The following PDE1C variants were observed in gnomAD, a reference collection of about 807,000 sequenced individuals.
PDE1C encodes dual specificity calcium/calmodulin-dependent 3',5'-cyclic nucleotide phosphodiesterase 1C.
In PDE1C, 62 loss-of-function variants were observed where a neutral mutation model predicts 93.1. The observed-to-expected ratio is 0.67, with a 90% CI of 0.54 to 0.82. PDE1C has a LOEUF of 0.82. PDE1C is among the 40% of genes least tolerant of loss of function. The pLI is 0.00. For synonymous variants in PDE1C, 325 were observed against 310.1 expected (o/e 1.05, Z -0.50); for missense variants, 742 against 884.6 (o/e 0.84, Z 2.04).
intron 1 of PDE1C, among the ~76,000 whole-genome samples, chr7:32,314,075 A>C (rs888510150): frequency 6.6e-6 from 1 of 151,856 alleles, no homozygotes; most frequent in African/African-American, 2.4e-5. Flanking sequence ...TAAATAAATA[A>C]AATAAATAAA....
At chr7:31,738,122 A>T in the PDE1C span, among the ~76,000 whole-genome samples, 2 of 152,082 alleles carry the variant, frequency 1.3e-5, no homozygotes, top group Non-Finnish European at 2.9e-5. Flanking sequence ...CCCTCCAGCC[A>T]CGCAGCCTAG....
chr7:32,124,790 A>G (rs529696446), intron 3 of PDE1C, among the ~76,000 whole-genome samples: 36 of 152,342 alleles, frequency 2.4e-4, no homozygotes, highest in Non-Finnish European at 4.6e-4. Context: ...AAACCTCAAT[A>G]CCATTCAGGA....
intron 3 of PDE1C, among the ~76,000 whole-genome samples, chr7:32,164,330 A>C (rs1386037725): frequency 6.6e-6 from 1 of 152,246 alleles, no homozygotes; most frequent in Admixed American, 6.5e-5. Context: ...GAATAGGGCC[A>C]GTCTTATAGG....
At chr7:32,112,746 C>T (rs966630283) in intron 3 of PDE1C, among the ~76,000 whole-genome samples, 2 of 150,694 alleles carry the variant, frequency 1.3e-5, no homozygotes, top group African/African-American at 4.9e-5. Context: ...AGGCAAGAGA[C>T]ACTATGCTCA....
At chr7:32,205,146 C>A (rs985763051) in intron 2 of PDE1C, among the ~76,000 whole-genome samples, 6 of 152,164 alleles carry the variant, frequency 3.9e-5, no homozygotes, top group Non-Finnish European at 8.8e-5. Flanking sequence ...CCTCTGCTGC[C>A]CCAGCTTCAT....
intron 3 of PDE1C, among the ~76,000 whole-genome samples, chr7:32,129,045 A>T (rs947014487): frequency 1.3e-5 from 2 of 149,952 alleles, no homozygotes; most frequent in Non-Finnish European, 3.0e-5. Context: ...TTGTGCAGTC[A>T]TTATAAGTGA....
chr7:32,031,082 C>G lies in PDE1C; in HGVS notation c.128+20472G>C, dbSNP rs181919463. ...TGAAGATTCAGTGAGCTTCCCTTCT[C>G]CACTATGGAATGTGTTTTGTCCTTC... On this transcript the variant is annotated intron_variant, in intron 2 of 17. Transcript: ENST00000396191. Among the ~76,000 whole-genome samples, 7 of 152,264 alleles carry G rather than the reference C, an allele frequency of 4.6e-5. No individual in the cohort carries two copies. In the East Asian group the frequency reaches 1.4e-3, roughly 29 times the overall value.
intron 16 of PDE1C, chr7:31,808,195 T>C (rs893029296): frequency 2.0e-6 from 1 of 492,384 alleles, no homozygotes; most frequent in Non-Finnish European, 4.0e-6. Flanking sequence ...TCTAACCAAA[T>C]GATTCAAAGA....
chr7:31,981,877 T>G (rs980293349), intron 2 of PDE1C, among the ~76,000 whole-genome samples: 1 of 152,230 alleles, frequency 6.6e-6, no homozygotes, highest in Non-Finnish European at 1.5e-5. Context: ...GTTTCATATC[T>G]TACAGACGAA....
chr7:32,370,881 A>G (rs1784320765), intron 1 of PDE1C, among the ~76,000 whole-genome samples: 1 of 152,164 alleles, frequency 6.6e-6, no homozygotes, highest in Non-Finnish European at 1.5e-5. Context: ...AATACTATTC[A>G]GCCACAAAAA....
chr7:32,264,302 C>T (rs1810418834), intron 1 of PDE1C, among the ~76,000 whole-genome samples: 1 of 152,188 alleles, frequency 6.6e-6, no homozygotes, highest in Non-Finnish European at 1.5e-5. Flanking sequence ...TATCAAGCAC[C>T]TACTATTAAT....
the PDE1C span, among the ~76,000 whole-genome samples, chr7:31,659,623 A>G: frequency 6.6e-6 from 1 of 152,220 alleles, no homozygotes; most frequent in Non-Finnish European, 1.5e-5. Flanking sequence ...ATCTGAATAA[A>G]TGTAGAGCCA....
chr7:31,702,871 G>C, the PDE1C span, among the ~76,000 whole-genome samples: 1 of 152,116 alleles, frequency 6.6e-6, no homozygotes, highest in Non-Finnish European at 1.5e-5. Context: ...GTTCGTGCTT[G>C]TATCTGTTTT....
chr7:31,642,234 G>GCCGCTGGAA, the PDE1C span: 10 of 1,556,772 alleles, frequency 6.4e-6, no homozygotes, highest in Non-Finnish European at 8.7e-6. Flanking sequence ...TCCTGGAGGA[G>GCCGCTGGAA]CCGCTGGAAC....
At chr7:31,729,704 A>T in the PDE1C span, among the ~76,000 whole-genome samples, 1 of 152,154 alleles carries the variant, frequency 6.6e-6, no homozygotes, top group African/African-American at 2.4e-5. Flanking sequence ...TCCAGTAAGG[A>T]ATCAGGGTCA....
chr7:32,426,056 T>C (rs1027265479), intron 1 of PDE1C, among the ~76,000 whole-genome samples: 2 of 152,148 alleles, frequency 1.3e-5, no homozygotes, highest in African/African-American at 4.8e-5. Context: ...AAAATATATA[T>C]ATTAATGAGT....
At chr7:31,761,662 A>G (rs1444044870) in intron 17 of PDE1C, among the ~76,000 whole-genome samples, 7 of 152,174 alleles carry the variant, frequency 4.6e-5, no homozygotes, top group Admixed American at 4.6e-4. Flanking sequence ...TTAGTGCTCA[A>G]TTTGTACCCC....
chr7:31,616,997 T>G, the PDE1C span, among the ~76,000 whole-genome samples: 1 of 152,180 alleles, frequency 6.6e-6, no homozygotes, highest in African/African-American at 2.4e-5. Context: ...TTGCTTATAT[T>G]CCAAGTGCAT....
intron 1 of PDE1C, among the ~76,000 whole-genome samples, chr7:32,308,516 T>C (rs1382141957): frequency 6.6e-6 from 1 of 152,182 alleles, no homozygotes; most frequent in African/African-American, 2.4e-5. Context: ...CACGGCTGGG[T>C]ACTCCTCTGA....
Sources: allele counts gnomAD v4.1 joint callset (sites outside exome capture counted in the v4.1 genomes callset), GRCh38; gene constraint gnomAD v4.1.1; transcripts MANE v1.5; gene names NCBI Gene and HGNC (gene_info 2026-07-23, HGNC 2026-07-21).